REPS1: variants seen among roughly 807,000 people sequenced by gnomAD.
The protein encoded by REPS1 is ralBP1-associated Eps domain-containing protein 1.
A neutral mutation model predicts 100.9 loss-of-function variants in REPS1; 39 were observed. The ratio of observed to expected loss-of-function variants is 0.39; its 90% CI spans 0.30 to 0.50. The LOEUF (loss-of-function observed/expected upper bound fraction) is 0.50, where lower values mean the gene tolerates loss of function less well. REPS1 is among the 20% of genes least tolerant of loss of function. REPS1 has a pLI of 0.86. For missense variants in REPS1, 821 were observed against 968.5 expected (o/e 0.85, Z 2.02); for synonymous variants, 324 against 340.3 (o/e 0.95, Z 0.53).
In REPS1 at chr6:138,911,295, G is replaced by C. The variant is rs776535721; in HGVS notation, c.2048C>G (p.Ala683Gly). 3 of 1,610,490 alleles carry C rather than the reference G, an allele frequency of 1.9e-6. No individual in the cohort carries two copies. The highest frequency in any genetic ancestry group is 2.5e-6 in the Non-Finnish European group (3 of 1,176,820). ...TDSKTEEKTA[A>G]SAPANVSKGT... ...GCATACCACATTGGCAGGAGCACTA[G>C]CAGCTGTCTTTTCTTCAGTTTTACT... The change falls in exon 17 of 20, where the codon GCT (alanine) becomes GGT (glycine). Residue 683 changes from alanine to glycine, a missense_variant. This residue lies in a region of REPS1 where 757 missense variants were observed against 866.4 expected (regional missense o/e 0.87). Coordinates refer to ENST00000450536, the MANE Select transcript of REPS1 (RefSeq NM_001286611.2).
At chr6:138,968,056 T>C (rs1784115932) in intron 1 of REPS1, among the ~76,000 whole-genome samples, 1 of 152,212 alleles carries the variant, frequency 6.6e-6, no homozygotes. Context: ...GTTTTCGACT[T>C]ACAATATTTT....
At chr6:138,947,734 C>A in intron 2 of REPS1, 56 bp downstream of exon 2, 1 of 1,396,558 alleles carries the variant, frequency 7.2e-7, no homozygotes, top group Non-Finnish European at 9.5e-7. Context: ...ATTGACTTGA[C>A]TTCATTTGTA....
intron 1 of REPS1, 42 bp downstream of exon 1, chr6:138,987,488 T>C (rs1404249365): frequency 6.0e-6 from 9 of 1,510,444 alleles, no homozygotes; most frequent in Non-Finnish European, 8.0e-6. Flanking sequence ...GGCCAGTGAC[T>C]GCAGGCCTAA....
chr6:138,930,124 T>C, intron 8 of REPS1, 26 bp from the exon 9 acceptor site: 2 of 1,606,014 alleles, frequency 1.2e-6, no homozygotes, highest in East Asian at 2.2e-5. Flanking sequence ...AGAGAAATTC[T>C]CTATAAAGAC....
At chr6:138,979,187 A>AAAC (rs1784779406) in intron 1 of REPS1, among the ~76,000 whole-genome samples, 1 of 147,568 alleles carries the variant, frequency 6.8e-6, no homozygotes, top group South Asian at 2.1e-4. Flanking sequence ...TCACAAAAAA[A>AAAC]AAAAAAAAAA....
At position 138,929,717 on chromosome 6, in the gene REPS1, T is replaced by C. The variant is rs1022114265; in HGVS notation, c.1257+260A>G. 3.0e-5 allele frequency: 9 copies of C among 300,236 alleles called. No individual in the cohort carries two copies. The Admixed American group carries it at 3.6e-4, about 12-fold the overall frequency. 18.6% of individuals were successfully genotyped at this position (300,236 alleles called of 1,614,324 possible). ...AGATCTTGGCCAAGTCATTTACCTT[T>C]TGATGGTTAAACTTTCTGAATCTGC... On this transcript the variant is annotated intron_variant, in intron 9 of 19. Transcript: ENST00000450536.
intron 1 of REPS1, among the ~76,000 whole-genome samples, chr6:138,958,249 G>C (rs1335908579): frequency 6.6e-6 from 1 of 152,138 alleles, no homozygotes; most frequent in Admixed American, 6.6e-5. Context: ...AGTTCGAAGT[G>C]GTTTTTGCAG....
At chr6:138,973,442 G>T (rs146243518) in intron 1 of REPS1, among the ~76,000 whole-genome samples, 1 of 151,770 alleles carries the variant, frequency 6.6e-6, no homozygotes, top group Non-Finnish European at 1.5e-5. Flanking sequence ...ATTTGCTCTG[G>T]ATCCCAAGAA....
intron 8 of REPS1, among the ~76,000 whole-genome samples, chr6:138,933,708 G>A (rs1490894239): frequency 1.3e-5 from 2 of 152,060 alleles, no homozygotes; most frequent in African/African-American, 2.4e-5. Context: ...TAATTTTGGA[G>A]AATATGGTTA....
At chr6:138,909,107 C>T (rs962601383) in intron 17 of REPS1, among the ~76,000 whole-genome samples, 1 of 152,132 alleles carries the variant, frequency 6.6e-6, no homozygotes, top group African/African-American at 2.4e-5. Flanking sequence ...GATACAGAAT[C>T]AATATATACC....
chr6:138,961,051 A>G (rs1783705402), intron 1 of REPS1, among the ~76,000 whole-genome samples: 1 of 152,308 alleles, frequency 6.6e-6, no homozygotes, highest in African/African-American at 2.4e-5. Context: ...TACCTAAGTC[A>G]GCTATTCTTT....
chr6:138,943,620 C>A, intron 6 of REPS1, 44 bp from the exon 7 acceptor site: 1 of 1,382,524 alleles, frequency 7.2e-7, no homozygotes, highest in East Asian at 2.3e-5. Context: ...TCTGAACTTA[C>A]GGATCCACGA....
chr6:138,956,929 T>G (rs1247951239), intron 1 of REPS1, among the ~76,000 whole-genome samples: 1 of 151,240 alleles, frequency 6.6e-6, no homozygotes, highest in African/African-American at 2.4e-5. Context: ...AAAAGAACCA[T>G]CAGAGAACAA....
chr6:138,949,112 C>T (rs1057150996), intron 1 of REPS1, among the ~76,000 whole-genome samples: 2 of 152,268 alleles, frequency 1.3e-5, no homozygotes, highest in East Asian at 3.9e-4. Context: ...CCACTTGACG[C>T]CTCTTAGAGG....
At chr6:138,925,595 T>G (rs1378875691) in intron 10 of REPS1, among the ~76,000 whole-genome samples, 4 of 152,040 alleles carry the variant, frequency 2.6e-5, no homozygotes, top group Non-Finnish European at 5.9e-5. Flanking sequence ...CTTTACACAT[T>G]TCTTCACTTT....
intron 19 of REPS1, among the ~76,000 whole-genome samples, chr6:138,906,969 A>C (rs1160768036): frequency 2.5e-4 from 38 of 152,006 alleles, no homozygotes; most frequent in Non-Finnish European, 4.4e-5. Flanking sequence ...TTTTATTTCT[A>C]GGGATGCAAA....
chr6:138,906,821 G>C (rs1284756763), intron 19 of REPS1, among the ~76,000 whole-genome samples: 1 of 152,070 alleles, frequency 6.6e-6, no homozygotes, highest in African/African-American at 2.4e-5. Context: ...CATGACCCAA[G>C]ATTACCTGTA....
At chr6:138,929,083 A>G (rs572805802) in intron 9 of REPS1, 1 of 152,334 alleles carries the variant, frequency 6.6e-6, no homozygotes, top group African/African-American at 2.4e-5. Context: ...CATGGAAAGG[A>G]CAGAAGCTTA....
At chr6:138,921,701 C>T (rs1417497899) in intron 10 of REPS1, among the ~76,000 whole-genome samples, 2 of 151,472 alleles carry the variant, frequency 1.3e-5, no homozygotes, top group African/African-American at 2.4e-5. Context: ...CCTCAGCCTC[C>T]CAAGTAGCTG....
Sources: gnomAD v4.1 joint callset for allele counts (sites outside exome capture counted in the v4.1 genomes callset) on GRCh38, gnomAD v4.1.1 for gene constraint, gnomAD v4.1.1 regional missense constraint, MANE v1.5 for transcripts, NCBI Gene and HGNC (gene_info 2026-07-23, HGNC 2026-07-21) for gene names.